Variants in SSBP2 observed in about 807,000 individuals in gnomAD.
SSBP2 encodes the protein single-stranded DNA-binding protein 2.
In SSBP2, 17 loss-of-function variants were observed where a neutral mutation model predicts 61.8. The observed-to-expected ratio is 0.28, with a 90% CI of 0.19 to 0.41. The LOEUF (loss-of-function observed/expected upper bound fraction) is 0.41, where lower values mean the gene tolerates loss of function less well. SSBP2 is among the 10% of genes least tolerant of loss of function. SSBP2 has a pLI of 1.00. For synonymous variants in SSBP2, 139 were observed against 141.3 expected (o/e 0.98, Z 0.12); for missense variants, 310 against 458.7 (o/e 0.68, Z 2.96).
chr5:81,738,678 C>G (rs892710452), intron 1 of SSBP2, among the ~76,000 whole-genome samples: 2 of 152,142 alleles, frequency 1.3e-5, no homozygotes, highest in African/African-American at 4.8e-5. Context: ...CTTAGGCCAC[C>G]AAGTCTGATC....
intron 8 of SSBP2, among the ~76,000 whole-genome samples, chr5:81,468,137 G>T (rs150270327): frequency 4.6e-5 from 7 of 151,840 alleles, no homozygotes; most frequent in African/African-American, 1.7e-4. Flanking sequence ...TGCTTTCCTC[G>T]TCACTTCTGT....
intron 4 of SSBP2, among the ~76,000 whole-genome samples, chr5:81,560,736 A>G (rs1329454568): frequency 3.9e-5 from 6 of 152,130 alleles, no homozygotes; most frequent in Non-Finnish European, 8.8e-5. Flanking sequence ...TCATAACAAT[A>G]TTTTTTACAG....
At chr5:81,463,431 A>T (rs1459171848) in intron 9 of SSBP2, among the ~76,000 whole-genome samples, 1 of 152,208 alleles carries the variant, frequency 6.6e-6, no homozygotes, top group Middle Eastern at 3.2e-3. Context: ...TGGACATGAT[A>T]GTTTATGCCT....
At chr5:81,449,266 T>C (rs901802743) in intron 10 of SSBP2, among the ~76,000 whole-genome samples, 6 of 152,196 alleles carry the variant, frequency 3.9e-5, no homozygotes, top group South Asian at 2.1e-4. Flanking sequence ...GGATCAGATA[T>C]GGGTAACAAA....
chr5:81,681,711 G>A (rs1322632908), intron 1 of SSBP2, among the ~76,000 whole-genome samples: 1 of 151,750 alleles, frequency 6.6e-6, no homozygotes, highest in Non-Finnish European at 1.5e-5. Context: ...TAAGCCAGAG[G>A]AAAAAATCTG....
chr5:81,719,147 C>CCA (rs1200443823), intron 1 of SSBP2, among the ~76,000 whole-genome samples: 2 of 152,114 alleles, frequency 1.3e-5, no homozygotes, highest in Non-Finnish European at 2.9e-5. Flanking sequence ...GACGAGGTTG[C>CCA]CACAGGTTTC....
intron 1 of SSBP2, among the ~76,000 whole-genome samples, chr5:81,725,631 G>A (rs1169258022): frequency 1.3e-5 from 2 of 152,184 alleles, no homozygotes; most frequent in Non-Finnish European, 2.9e-5. Context: ...GAGGGCCAGA[G>A]ATGTGGTAAG....
intron 1 of SSBP2, among the ~76,000 whole-genome samples, chr5:81,738,148 T>A (rs976031160): frequency 6.6e-6 from 1 of 152,128 alleles, no homozygotes; most frequent in African/African-American, 2.4e-5. Flanking sequence ...TCTATGCTGT[T>A]AAAAATCAAG....
intron 1 of SSBP2, among the ~76,000 whole-genome samples, chr5:81,748,970 T>A (rs2154031319): frequency 6.6e-6 from 1 of 152,040 alleles, no homozygotes; most frequent in African/African-American, 2.4e-5. Context: ...TCCTGGAAGT[T>A]CACCTAAAAT....
chr5:81,534,580 A>G (rs571366428), intron 4 of SSBP2, among the ~76,000 whole-genome samples: 106 of 152,298 alleles, frequency 7.0e-4, no homozygotes, highest in African/African-American at 2.4e-3. Flanking sequence ...AATGCCTTTG[A>G]TAATTTTATT....
At chr5:81,738,914 C>T (rs1756809565) in intron 1 of SSBP2, among the ~76,000 whole-genome samples, 1 of 152,026 alleles carries the variant, frequency 6.6e-6, no homozygotes, top group African/African-American at 2.4e-5. Flanking sequence ...TCTGTAATCC[C>T]AGCACTTTGG....
At chr5:81,483,374 T>A (rs1219206434) in intron 6 of SSBP2, among the ~76,000 whole-genome samples, 1 of 152,170 alleles carries the variant, frequency 6.6e-6, no homozygotes, top group Non-Finnish European at 1.5e-5. Context: ...ATTATATAGT[T>A]CACTCATGGA....
In SSBP2 at chr5:81,467,055, C is replaced by G. The variant is rs1267006632; in HGVS notation, c.571-14G>C. 2 of 1,605,310 alleles carry G rather than the reference C, an allele frequency of 1.2e-6. No individual in the cohort carries two copies. Among genetic ancestry groups the G allele is most frequent in the Non-Finnish European group, 1.7e-6 (2 of 1,174,664 alleles). ...ACCTCCATAGTTCTGTAATGATAACCAAGGGTCAGACTACCACAAAACAAA... is the reference window on the plus strand; with the variant it reads ...ACCTCCATAGTTCTGTAATGATAACGAAGGGTCAGACTACCACAAAACAAA... On this transcript the variant is annotated splice_polypyrimidine_tract_variant and intron_variant, in intron 8 of 16. Transcript: ENST00000320672.
intron 4 of SSBP2, among the ~76,000 whole-genome samples, chr5:81,515,976 T>C (rs1768989281): frequency 6.6e-6 from 1 of 151,902 alleles, no homozygotes; most frequent in African/African-American, 2.4e-5. Context: ...TGTAATATAG[T>C]AGTTAATGTA....
intron 5 of SSBP2, among the ~76,000 whole-genome samples, chr5:81,511,451 G>A (rs1407356868): frequency 6.6e-6 from 1 of 152,040 alleles, no homozygotes; most frequent in East Asian, 1.9e-4. Context: ...TTCTTAACAT[G>A]TGCCATGCTA....
intron 1 of SSBP2, among the ~76,000 whole-genome samples, chr5:81,655,483 T>C (rs1308054045): frequency 1.3e-5 from 2 of 152,316 alleles, no homozygotes; most frequent in African/African-American, 4.8e-5. Context: ...CTTTAAATTA[T>C]CTTCATTTCA....
intron 15 of SSBP2, among the ~76,000 whole-genome samples, chr5:81,431,900 A>AT (rs1306100841): frequency 6.6e-6 from 1 of 152,166 alleles, no homozygotes; most frequent in East Asian, 1.9e-4. Context: ...TCTTCTCTTA[A>AT]TTAGTAAGTT....
At chr5:81,694,216 G>C (rs1192419828) in intron 1 of SSBP2, among the ~76,000 whole-genome samples, 2 of 152,014 alleles carry the variant, frequency 1.3e-5, no homozygotes, top group African/African-American at 4.8e-5. Context: ...ATGGTTAGTG[G>C]GTACAAAAAT....
Position 81,469,736 on chromosome 5 carries a change from G to C in SSBP2, c.571-2695C>G, listed in dbSNP as rs150798376. Among the ~76,000 whole-genome samples, 683 of 152,044 alleles carry C rather than the reference G, an allele frequency of 4.5e-3. 6 individuals carry two copies. The highest frequency in any genetic ancestry group is 0.015 in the African/African-American group (643 of 41,528). The stretch of plus-strand genomic sequence containing the variant: ...GAAATTTTTCAATATATGCTTGATA[G>C]ATTTGCAAAATATTTTCATTTAGTG... On this transcript the variant is annotated intron_variant, in intron 8 of 16. Coordinates refer to ENST00000320672, the MANE Select transcript of SSBP2 (RefSeq NM_012446.5).
Sources: gnomAD v4.1 joint callset for allele counts (sites outside exome capture counted in the v4.1 genomes callset) on GRCh38, gnomAD v4.1.1 for gene constraint, MANE v1.5 for transcripts, NCBI Gene and HGNC (gene_info 2026-07-23, HGNC 2026-07-21) for gene names.